The following DPH6 variants were observed in gnomAD, a reference collection of about 807,000 sequenced individuals.
The protein encoded by DPH6 is diphthine--ammonia ligase.
Under a neutral mutation model 38.2 loss-of-function variants are expected in DPH6, and 33 were observed. The observed-to-expected ratio is 0.86, with a 90% CI of 0.65 to 1.15. The LOEUF is 1.15. Ranked by LOEUF, DPH6 falls within the 50% of genes most tolerant of loss-of-function variation. DPH6 has a pLI of 0.00. For synonymous variants in DPH6, 108 were observed against 103.0 expected (o/e 1.05, Z -0.30); for missense variants, 325 against 320.0 (o/e 1.02, Z -0.12).
intron 3 of DPH6, among the ~76,000 whole-genome samples, chr15:35,493,053 G>GCCA (rs113056352): frequency 0.041 from 6,240 of 152,096 alleles, 419 homozygotes; most frequent in African/African-American, 0.14. Context: ...CCATAAAAAG[G>GCCA]CCACTACCTT....
intron 3 of DPH6, among the ~76,000 whole-genome samples, chr15:35,456,255 C>T (rs2053994733): frequency 6.6e-6 from 1 of 151,832 alleles, no homozygotes; most frequent in Non-Finnish European, 1.5e-5. Context: ...AATGTAAATA[C>T]AGTATAGATC....
At chr15:35,282,773 C>T (rs548431440) in intron 3 of DPH6, 9 of 340,848 alleles carry the variant, frequency 2.6e-5, no homozygotes, top group Non-Finnish European at 4.9e-5. Context: ...GTCTAGTCAT[C>T]CCTTCCAAAA....
chr15:35,517,887 G>A (rs545315954), intron 3 of DPH6, among the ~76,000 whole-genome samples: 73 of 152,034 alleles, frequency 4.8e-4, no homozygotes, highest in Admixed American at 9.2e-4. Flanking sequence ...GACACATTCC[G>A]AATACTTCTT....
Position 35,436,504 on chromosome 15 carries a change from C to CAA in DPH6, c.505+14179_505+14180dup, listed in dbSNP as rs371533654. On this transcript the variant is annotated intron_variant, in intron 5 of 8. Transcript: ENST00000256538. ...AAAAACAAAACAAAACAAAACAAAA[C>CAA]AAAACAAAACAAAAAAGGTTCTCTC... Among the ~76,000 whole-genome samples the CAA allele has an allele frequency of 2.4e-3, 261 of 108,178 alleles. 10 individuals carry two copies. The highest frequency in any genetic ancestry group is 0.011 in the African/African-American group (249 of 23,016). 71.0% of individuals were successfully genotyped at this position (108,178 alleles called of 152,430 possible).
intron 3 of DPH6, among the ~76,000 whole-genome samples, chr15:35,499,870 C>T (rs1216275258): frequency 6.6e-6 from 1 of 152,134 alleles, no homozygotes; most frequent in East Asian, 1.9e-4. Context: ...AATAGCGCAG[C>T]CAGGCCAGTA....
At chr15:35,406,749 A>C (rs2053298953) in intron 6 of DPH6, among the ~76,000 whole-genome samples, 1 of 152,044 alleles carries the variant, frequency 6.6e-6, no homozygotes, top group African/African-American at 2.4e-5. Flanking sequence ...AGATAAGTTA[A>C]GAAAGAAATG....
At chr15:35,480,936 T>C (rs1162393817) in intron 3 of DPH6, among the ~76,000 whole-genome samples, 1 of 151,188 alleles carries the variant, frequency 6.6e-6, no homozygotes, top group Non-Finnish European at 1.5e-5. Context: ...ATAGTATATG[T>C]TTCCTGATGG....
At chr15:35,196,705 T>A in the DPH6 span, among the ~76,000 whole-genome samples, 44 of 152,314 alleles carry the variant, frequency 2.9e-4, no homozygotes, top group South Asian at 8.7e-3. Flanking sequence ...TTTGTGTCCT[T>A]GTCTTTTTTT....
chr15:35,450,796 T>G lies in DPH6; in HGVS notation c.394A>C (p.Arg132=). 1 of 1,597,990 alleles carries G rather than the reference T, an allele frequency of 6.3e-7. No homozygotes were observed. Among genetic ancestry groups the G allele is most frequent in the Non-Finnish European group, 8.5e-7 (1 of 1,173,624 alleles). ...QRIRVENVCK[R]LNLQPLAYLW... ...TAAGCTAAAGGCTGGAGATTAAGCC[T>G]TTTACACCTACAAAAGAAAAAGAAA... Residue 132 remains arginine, a synonymous_variant, in exon 5 of 9, where the codon AGG becomes CGG. Transcript: ENST00000256538.
chr15:35,206,943 CATCAT>C, the DPH6 span, among the ~76,000 whole-genome samples: 1 of 150,372 alleles, frequency 6.7e-6, no homozygotes, highest in Non-Finnish European at 1.5e-5. Flanking sequence ...CTCATAAAAC[CATCAT>C]ATCATATCAC....
At chr15:35,204,570 C>A in the DPH6 span, among the ~76,000 whole-genome samples, 4 of 151,622 alleles carry the variant, frequency 2.6e-5, no homozygotes, top group Admixed American at 2.0e-4. Flanking sequence ...TTTTTAGGAA[C>A]GTATGATCTT....
intron 3 of DPH6, among the ~76,000 whole-genome samples, chr15:35,522,596 G>A (rs2054937997): frequency 6.6e-6 from 1 of 152,018 alleles, no homozygotes; most frequent in Admixed American, 6.6e-5. Flanking sequence ...CCTTCAAAAA[G>A]GACCTGGGGA....
At chr15:35,436,514 C>CAAACAAACAAA (rs1345703900) in intron 5 of DPH6, among the ~76,000 whole-genome samples, 3 of 123,200 alleles carry the variant, frequency 2.4e-5, no homozygotes, top group Non-Finnish European at 4.8e-5. Flanking sequence ...CAAAACAAAA[C>CAAACAAACAAA]AAAAAAGGTT....
At chr15:35,147,699 G>T in the DPH6 span, among the ~76,000 whole-genome samples, 1 of 152,198 alleles carries the variant, frequency 6.6e-6, no homozygotes, top group Non-Finnish European at 1.5e-5. Flanking sequence ...AAGACAGATG[G>T]TCTGAAATAA....
At chr15:35,155,817 T>G in the DPH6 span, among the ~76,000 whole-genome samples, 1 of 152,218 alleles carries the variant, frequency 6.6e-6, no homozygotes, top group African/African-American at 2.4e-5. Flanking sequence ...TCACATTATA[T>G]TTCTTATATG....
At chr15:35,425,827 A>C (rs1595552818) in intron 5 of DPH6, among the ~76,000 whole-genome samples, 1 of 148,790 alleles carries the variant, frequency 6.7e-6, no homozygotes, top group Non-Finnish European at 1.5e-5. Context: ...ATATATATAT[A>C]TATCTCATAT....
chr15:35,372,139 C>T lies in DPH6; in HGVS notation c.*11G>A, dbSNP rs1229316854. 5.9e-6 allele frequency: 9 copies of T among 1,512,970 alleles called. No homozygotes were observed. Among genetic ancestry groups the T allele is most frequent in the Non-Finnish European group, 7.1e-6 (8 of 1,132,306 alleles). 93.7% of individuals were successfully genotyped at this position (1,512,970 alleles called of 1,614,324 possible). A position where few individuals can be genotyped will look rare whatever the true frequency, so the allele number is the denominator to read the frequency against. On this transcript the variant is annotated 3_prime_UTR_variant, in exon 9 of 9. Transcript: ENST00000256538. Reference sequence around the variant, plus strand: ...AATGGTGGTTTAATGAACAATGTTCCAAAACACTTTTCAAAAATTATATAT... The same window carrying T: ...AATGGTGGTTTAATGAACAATGTTCTAAAACACTTTTCAAAAATTATATAT...
chr15:35,390,259 C>G (rs1016265689), intron 6 of DPH6, among the ~76,000 whole-genome samples: 1 of 152,204 alleles, frequency 6.6e-6, no homozygotes, highest in South Asian at 2.1e-4. Flanking sequence ...ACCTTTCTCT[C>G]TGGCTGCCCT....
the DPH6 span, among the ~76,000 whole-genome samples, chr15:35,208,727 C>T: frequency 3.3e-5 from 5 of 152,082 alleles, no homozygotes; most frequent in Non-Finnish European, 7.4e-5. Context: ...TAATATCTGG[C>T]GGTGTAAGAC....
Sources: allele counts gnomAD v4.1 joint callset (sites outside exome capture counted in the v4.1 genomes callset), GRCh38; gene constraint gnomAD v4.1.1; transcripts MANE v1.5; gene names NCBI Gene and HGNC (gene_info 2026-07-23, HGNC 2026-07-21).